Variants in GSR observed in about 807,000 individuals in gnomAD.
GSR encodes the protein glutathione-disulfide reductase, also known as glutathione reductase, mitochondrial.
Under a neutral mutation model 56.5 loss-of-function variants are expected in GSR, and 48 were observed. That is an observed-to-expected ratio of 0.85 (90% CI 0.67 to 1.08). The LOEUF is 1.08. GSR is among the 50% of genes least tolerant of loss of function. The probability of loss-of-function intolerance (pLI) is 0.00; values close to 1 mark genes in which losing one functional copy is unlikely to be tolerated. For synonymous variants in GSR, 264 were observed against 270.8 expected (o/e 0.97, Z 0.25); for missense variants, 694 against 703.3 (o/e 0.99, Z 0.15).
At chr8:30,696,323 A>G (rs1803539258) in intron 7 of GSR, 57 bp downstream of exon 7, 6 of 1,203,142 alleles carry the variant, frequency 5.0e-6, no homozygotes, top group Non-Finnish European at 7.5e-6. Flanking sequence ...ATAAGAAAAA[A>G]TTCTTCATTT....
chr8:30,707,814 G>T (rs1803965586), intron 4 of GSR, among the ~76,000 whole-genome samples: 1 of 151,886 alleles, frequency 6.6e-6, no homozygotes, highest in South Asian at 2.1e-4. Flanking sequence ...AAAATTCGAT[G>T]GGTGTGGTGG....
rs1049920224 is a variant in GSR, at chr8:30,678,807, G to T, written c.*713C>A. 2 of 152,210 alleles carry T rather than the reference G, an allele frequency of 1.3e-5. No homozygotes were observed. Among genetic ancestry groups the T allele is most frequent in the African/African-American group, 2.4e-5 (1 of 41,426 alleles). The allele number at this position is 152,210 out of a possible 1,614,324, so 9.4% of individuals were successfully genotyped here. A position where few individuals can be genotyped will look rare whatever the true frequency, so the allele number is the denominator to read the frequency against. Reference sequence around the variant, plus strand: ...TACTGGCTTCAAAAAATATATAAAGGTTCTGTGCACTGGCACTGTTTACAT... The same window carrying T: ...TACTGGCTTCAAAAAATATATAAAGTTTCTGTGCACTGGCACTGTTTACAT... On this transcript the variant is annotated 3_prime_UTR_variant, in exon 13 of 13. Coordinates refer to ENST00000221130, the MANE Select transcript of GSR (RefSeq NM_000637.5).
intron 1 of GSR, among the ~76,000 whole-genome samples, chr8:30,725,107 C>G (rs915639298): frequency 4.6e-5 from 7 of 152,070 alleles, no homozygotes; most frequent in African/African-American, 1.4e-4. Flanking sequence ...ATGTTTATAT[C>G]TATCGTTTTC....
intron 1 of GSR, 150 bp downstream of exon 1, chr8:30,727,380 T>G: frequency 1.3e-6 from 1 of 772,388 alleles, no homozygotes; most frequent in Non-Finnish European, 2.0e-6. Flanking sequence ...ACCTGCTGGG[T>G]TCCTGGCTTC....
intron 1 of GSR, among the ~76,000 whole-genome samples, chr8:30,722,541 C>G (rs1804577273): frequency 2.0e-5 from 1 of 48,896 alleles, no homozygotes; most frequent in South Asian, 6.6e-4. Context: ...GCCTGGGCAA[C>G]AAAGCAAGAC....
Position 30,703,745 on chromosome 8 carries a change from G to A in GSR, c.493-505C>T, listed in dbSNP as rs185764873. Reference sequence around the variant, plus strand: ...CTGGATGACAAAGTGAGGGGGAGGAGGAGGAGAAAGAAGAAGAAGGAAGGA... The same window carrying A: ...CTGGATGACAAAGTGAGGGGGAGGAAGAGGAGAAAGAAGAAGAAGGAAGGA... On this transcript the variant is annotated intron_variant, in intron 4 of 12. Transcript: ENST00000221130. 8.7e-5 allele frequency among the ~76,000 whole-genome samples: 13 copies of A among 150,118 alleles called. No individual in the cohort carries two copies. The Middle Eastern group carries it at 0.01, about 119-fold the overall frequency.
At chr8:30,697,506 T>A (rs966014639) in intron 6 of GSR, among the ~76,000 whole-genome samples, 4 of 152,082 alleles carry the variant, frequency 2.6e-5, no homozygotes, top group Non-Finnish European at 4.4e-5. Flanking sequence ...TCCATGTCTG[T>A]GGTCCCAGTT....
At chr8:30,711,680 A>G (rs1804149485) in intron 2 of GSR, among the ~76,000 whole-genome samples, 1 of 152,082 alleles carries the variant, frequency 6.6e-6, no homozygotes, top group Non-Finnish European at 1.5e-5. Context: ...TAAAAATACA[A>G]AAATCAGTCA....
rs868401394 is a variant in GSR, at chr8:30,692,437, C to T, written c.882+532G>A. Among the ~76,000 whole-genome samples, 6 of 150,876 alleles carry T rather than the reference C, an allele frequency of 4.0e-5. No homozygotes were observed. In the South Asian group the frequency reaches 1.3e-3, roughly 32 times the overall value. ...TCTCAAACTCCCAACCTCAGGTGAT[C>T]CGCCTGCCTCGACCTCCCAAAGTGC... On this transcript the variant is annotated intron_variant, in intron 8 of 12. Coordinates refer to ENST00000221130, the MANE Select transcript of GSR (RefSeq NM_000637.5).
intron 1 of GSR, among the ~76,000 whole-genome samples, chr8:30,726,546 T>TC (rs1393224488): frequency 6.6e-6 from 1 of 151,878 alleles, no homozygotes; most frequent in Non-Finnish European, 1.5e-5. Context: ...ATCGGTTGAG[T>TC]CCAAGAGGTT....
chr8:30,697,460 C>A (rs1386810327), intron 6 of GSR, among the ~76,000 whole-genome samples: 2 of 149,806 alleles, frequency 1.3e-5, no homozygotes, highest in Non-Finnish European at 3.0e-5. Flanking sequence ...CAAAAAACCC[C>A]TAAAAGTAAA....
chr8:30,690,155 A>AATAT (rs1554570683), intron 8 of GSR, among the ~76,000 whole-genome samples: 3 of 95,630 alleles, frequency 3.1e-5, no homozygotes, highest in Non-Finnish European at 6.4e-5. Context: ...TAAATAAAAT[A>AATAT]ATATATTTAT....
Position 30,703,202 on chromosome 8 carries a change from C to T in GSR, c.531G>A (p.Thr177=), listed in dbSNP as rs147119692. The T allele has an allele frequency of 1.0e-4, 168 of 1,613,974 alleles. No homozygotes were observed. In the East Asian group the frequency reaches 2.2e-3, roughly 21 times the overall value. The part of the protein sequence containing the change: ...IEIIRGHAAF[T]SDPKPTIEVS... ...CCTCTATTGTGGGCTTGGGATCACT[C>T]GTGAAGGCTGCATGGCCACGGATGA... Residue 177 remains threonine, a synonymous_variant, in exon 5 of 13, where the codon ACG becomes ACA. Coordinates refer to ENST00000221130, the MANE Select transcript of GSR (RefSeq NM_000637.5).
intron 9 of GSR, among the ~76,000 whole-genome samples, chr8:30,688,501 C>G (rs1391918392): frequency 6.7e-6 from 1 of 149,910 alleles, no homozygotes; most frequent in East Asian, 2.0e-4. Flanking sequence ...ATCAGTTGAC[C>G]CCAGGAATTC....
At position 30,688,856 on chromosome 8, in the gene GSR, A is replaced by C. The variant is rs989071177; in HGVS notation, c.1041+305T>G. On this transcript the variant is annotated intron_variant, in intron 9 of 12. Transcript: ENST00000221130. ...GTGGATCACTTGAGCCTAGGAGGTT[A>C]AGACTGCGGTGAGCTATGATCACAC... 5.3e-5 allele frequency among the ~76,000 whole-genome samples: 8 copies of C among 152,002 alleles called. No individual in the cohort carries two copies. The South Asian group carries it at 8.3e-4, about 16-fold the overall frequency.
chr8:30,681,836 T>C (rs1802970865), intron 11 of GSR, 94 bp downstream of exon 11: 2 of 1,175,302 alleles, frequency 1.7e-6, no homozygotes, highest in East Asian at 2.3e-5. Flanking sequence ...GGGGCTGAGA[T>C]AGGTTTCATC....
chr8:30,685,633 GAGA>G (rs1223703941), intron 9 of GSR, among the ~76,000 whole-genome samples: 1 of 152,066 alleles, frequency 6.6e-6, no homozygotes, highest in Non-Finnish European at 1.5e-5. Context: ...AAGTATATAT[GAGA>G]AGTAGAGATA....
intron 1 of GSR, among the ~76,000 whole-genome samples, chr8:30,716,901 C>G (rs1563544153): frequency 6.6e-6 from 1 of 152,088 alleles, no homozygotes; most frequent in Non-Finnish European, 1.5e-5. Context: ...CTGCTGCTCC[C>G]TTCTCTTTCC....
rs1419839685 is a variant in GSR, at chr8:30,678,338, A to C, written c.*1182T>G. On this transcript the variant is annotated 3_prime_UTR_variant, in exon 13 of 13. Transcript: ENST00000221130. ...GTTTGATGCACTTCACCTCATAAAA[A>C]TAATATATATATATATATATATTTT... 2.3e-5 allele frequency: 3 copies of C among 129,882 alleles called. No individual in the cohort carries two copies. In the East Asian group the frequency reaches 6.5e-4, roughly 28 times the overall value. 8.0% of individuals were successfully genotyped at this position (129,882 alleles called of 1,614,324 possible). A position where few individuals can be genotyped will look rare whatever the true frequency, so the allele number is the denominator to read the frequency against.
Sources: allele counts gnomAD v4.1 joint callset (sites outside exome capture counted in the v4.1 genomes callset), GRCh38; gene constraint gnomAD v4.1.1; transcripts MANE v1.5; gene names NCBI Gene and HGNC (gene_info 2026-07-23, HGNC 2026-07-21).